UGT1A5: variants seen among roughly 807,000 people sequenced by gnomAD.
UGT1A5 encodes the protein UDP-glucuronosyltransferase 1A5.
UGT1A5 carries 29 observed loss-of-function variants against 40.3 expected under a neutral mutation model. The observed-to-expected ratio is 0.72, with a 90% CI of 0.54 to 0.98. The LOEUF is 0.98. UGT1A5 is among the 50% of genes least tolerant of loss of function. The pLI, the probability that UGT1A5 is intolerant of heterozygous loss-of-function variation, is 0.00. For synonymous variants in UGT1A5, 257 were observed against 262.5 expected, an observed-to-expected ratio of 0.98 and a Z score of 0.20; for missense variants, 678 against 677.9, an observed-to-expected ratio of 1.00 and a Z score of 0.00.
chr2:233,726,757 A>G (rs544235681), intron 1 of UGT1A5, among the ~76,000 whole-genome samples: 1 of 152,352 alleles, frequency 6.6e-6, no homozygotes, highest in African/African-American at 2.4e-5. Flanking sequence ...TCTGCCTACC[A>G]CAGACACTAA....
chr2:233,743,424 A>G, intron 1 of UGT1A5: 2 of 1,346,302 alleles, frequency 1.5e-6, no homozygotes, highest in South Asian at 2.3e-5. Context: ...CCAGGGAGCC[A>G]AAGGAACGAA....
chr2:233,772,314 G>T lies in UGT1A5; in HGVS notation c.1360G>T (p.Glu454Ter). The T allele has an allele frequency of 6.2e-7, 1 of 1,614,222 alleles. No individual in the cohort carries two copies. The highest frequency in any genetic ancestry group is 8.5e-7 in the Non-Finnish European group (1 of 1,180,048). ...LSSLHKDRPV[E>*]PLDLAVFWVE... is the part of the protein sequence containing the mutation. Reference sequence around the variant, plus strand: ...CAGCCTTCACAAGGACCGCCCGGTGGAGCCGCTGGACCTGGCCGTGTTCTG... The same window carrying T: ...CAGCCTTCACAAGGACCGCCCGGTGTAGCCGCTGGACCTGGCCGTGTTCTG... Residue 454 changes from glutamate (E) to a stop codon, truncating the protein, a stop_gained, in exon 5 of 5, where the codon GAG (glutamate) becomes TAG (stop). Transcript: ENST00000373414. LOFTEE classifies it high-confidence loss of function.
intron 1 of UGT1A5, chr2:233,755,145 G>A (rs1233085476): frequency 2.3e-6 from 3 of 1,302,660 alleles, no homozygotes; most frequent in South Asian, 1.2e-5. Flanking sequence ...TCTTCTCACC[G>A]CTTCCTCCCT....
At chr2:233,738,051 A>T (rs1690672255) in intron 1 of UGT1A5, among the ~76,000 whole-genome samples, 1 of 152,154 alleles carries the variant, frequency 6.6e-6, no homozygotes, top group Admixed American at 6.5e-5. Context: ...TGAGGACAGG[A>T]CATGGTGGGA....
At chr2:233,715,755 G>T (rs1575510895) in intron 1 of UGT1A5, among the ~76,000 whole-genome samples, 1 of 152,198 alleles carries the variant, frequency 6.6e-6, no homozygotes, top group Middle Eastern at 3.2e-3. Flanking sequence ...CTGAGTGACA[G>T]AGCGAGGACC....
chr2:233,744,228 G>A (rs1189849107), intron 1 of UGT1A5, among the ~76,000 whole-genome samples: 1 of 151,768 alleles, frequency 6.6e-6, no homozygotes, highest in Non-Finnish European at 1.5e-5. Flanking sequence ...GAAAAGAGAG[G>A]GCCTTGACTT....
chr2:233,747,103 T>A, intron 1 of UGT1A5: 1 of 1,362,910 alleles, frequency 7.3e-7, no homozygotes, highest in Non-Finnish European at 1.0e-6. Flanking sequence ...TATCTTCCAA[T>A]TACATGATGA....
intron 1 of UGT1A5, among the ~76,000 whole-genome samples, chr2:233,744,630 C>T (rs1387499679): frequency 6.6e-6 from 1 of 151,854 alleles, no homozygotes. Context: ...GAGGTGGATT[C>T]TCATGTCAGC....
At chr2:233,749,022 T>C (rs1694084845) in intron 1 of UGT1A5, among the ~76,000 whole-genome samples, 1 of 151,722 alleles carries the variant, frequency 6.6e-6, no homozygotes, top group African/African-American at 2.4e-5. Flanking sequence ...ATCCAGAATA[T>C]TTGGGGTTCA....
chr2:233,746,976 G>A (rs118160610), intron 1 of UGT1A5, among the ~76,000 whole-genome samples: 2 of 151,898 alleles, frequency 1.3e-5, no homozygotes, highest in South Asian at 2.1e-4. Flanking sequence ...TCCCCAGAGC[G>A]AGCGCAGGGT....
In UGT1A5 at chr2:233,764,214, G is replaced by A. The variant is rs17864706; in HGVS notation, c.868-2820G>A. On this transcript the variant is annotated intron_variant, in intron 1 of 4. Transcript: ENST00000373414. ...GGGGCATCTCATCTTTTCTTTGAAG[G>A]GAATCAATGGTGGGGGATTGGAGTG... 2.6e-3 allele frequency among the ~76,000 whole-genome samples: 394 copies of A among 152,268 alleles called. 1 individual carries two copies. Among genetic ancestry groups the A allele is most frequent in the Non-Finnish European group, 3.9e-3 (266 of 68,024 alleles).
chr2:233,713,984 G>A, intron 1 of UGT1A5, 126 bp downstream of exon 1: 1 of 1,586,010 alleles, frequency 6.3e-7, no homozygotes. Context: ...TCTCATTGTT[G>A]TAATAGTCTT....
chr2:233,739,559 G>T (rs1322307786), intron 1 of UGT1A5, among the ~76,000 whole-genome samples: 1 of 152,224 alleles, frequency 6.6e-6, no homozygotes, highest in Non-Finnish European at 1.5e-5. Flanking sequence ...TTTAATGACT[G>T]CCCTGCCTGG....
chr2:233,763,077 G>C (rs1318326063), intron 1 of UGT1A5, among the ~76,000 whole-genome samples: 1 of 152,214 alleles, frequency 6.6e-6, no homozygotes, highest in Non-Finnish European at 1.5e-5. Context: ...TTCTTTGCGT[G>C]AGGATGTTTG....
chr2:233,726,552 G>A (rs2125720134), intron 1 of UGT1A5, among the ~76,000 whole-genome samples: 1 of 152,244 alleles, frequency 6.6e-6, no homozygotes, highest in African/African-American at 2.4e-5. Context: ...GCGTCTTCAA[G>A]TCTCCCACTC....
chr2:233,731,901 A>G (rs1358657529), intron 1 of UGT1A5, among the ~76,000 whole-genome samples: 15 of 152,182 alleles, frequency 9.9e-5, no homozygotes, highest in Non-Finnish European at 1.9e-4. Flanking sequence ...ACTCCCACCA[A>G]TGGTGTAAAA....
At chr2:233,721,847 C>T in intron 1 of UGT1A5, 2 of 514,910 alleles carry the variant, frequency 3.9e-6, no homozygotes, top group South Asian at 2.8e-5. Context: ...TGTGTCCAGC[C>T]CCACTGCTCG....
intron 1 of UGT1A5, chr2:233,743,979 A>C (rs1692622611): frequency 3.1e-6 from 4 of 1,306,002 alleles, no homozygotes; most frequent in African/African-American, 1.5e-5. Flanking sequence ...GCCAGCACCC[A>C]GGCGCAGGCC....
In UGT1A5 at chr2:233,713,388, CATA is replaced by C. The variant is rs1316037917; in HGVS notation, c.400_402del (p.Asn134del). 2 of 1,614,028 alleles carry C rather than the reference CATA, an allele frequency of 1.2e-6. No homozygotes were observed. Among genetic ancestry groups the C allele is most frequent in the Non-Finnish European group, 1.7e-6 (2 of 1,180,018 alleles). On this transcript the variant is annotated inframe_deletion, in exon 1 of 5. Coordinates refer to ENST00000373414, the MANE Select transcript of UGT1A5 (RefSeq NM_019078.2). ...ACATAGGTCTTGTGTGGAGCTACTG[CATA>C]ATGAGGCCCTGATCAGGCACCTGCA... is the stretch of plus-strand genomic sequence containing the variant.
Sources: allele counts gnomAD v4.1 joint callset (sites outside exome capture counted in the v4.1 genomes callset), GRCh38; gene constraint gnomAD v4.1.1; transcripts MANE v1.5; gene names NCBI Gene and HGNC (gene_info 2026-07-23, HGNC 2026-07-21).